The following WNK2 variants were observed in gnomAD, a reference collection of about 807,000 sequenced individuals.
WNK2 encodes the protein WNK lysine deficient protein kinase 2.
WNK2 carries 67 observed loss-of-function variants against 192.1 expected under a neutral mutation model. The observed-to-expected ratio is 0.35, with a 90% CI of 0.29 to 0.43. The LOEUF is 0.43. Among genes scored for constraint, WNK2 ranks in the 20% least tolerant of loss-of-function variants. The probability of loss-of-function intolerance (pLI) is 1.00; values close to 1 mark genes in which losing one functional copy is unlikely to be tolerated. For missense variants in WNK2, 2,698 were observed against 3,089.7 expected (o/e 0.87, Z 3.01); for synonymous variants, 1,439 against 1,393.9 (o/e 1.03, Z -0.72).
chr9:93,287,455 C>T (rs1051150202), intron 19 of WNK2, among the ~76,000 whole-genome samples: 2 of 152,312 alleles, frequency 1.3e-5, no homozygotes, highest in East Asian at 3.9e-4. Context: ...TGCAGTTGTG[C>T]AAACAATAAC....
intron 2 of WNK2, among the ~76,000 whole-genome samples, chr9:93,222,179 C>CT (rs903289230): frequency 6.6e-6 from 1 of 151,856 alleles, no homozygotes; most frequent in Non-Finnish European, 1.5e-5. Flanking sequence ...TTCCCACCCC[C>CT]TTTTTTTGAG....
At chr9:93,208,538 T>TGC (rs749124675) in intron 2 of WNK2, among the ~76,000 whole-genome samples, 10 of 151,732 alleles carry the variant, frequency 6.6e-5, no homozygotes, top group Non-Finnish European at 1.5e-4. Context: ...TCTGTGTGTG[T>TGC]GCATGTGCTG....
At chr9:93,252,685 G>T (rs1331222824) in intron 8 of WNK2, among the ~76,000 whole-genome samples, 198 bp from the exon 9 acceptor site, 2 of 152,258 alleles carry the variant, frequency 1.3e-5, no homozygotes, top group Non-Finnish European at 2.9e-5. Context: ...GACATGGGCA[G>T]TGTTGGAGTG....
rs180931140 is a variant in WNK2 at position 93,269,372 on chromosome 9, A to T, written c.4033+626A>T. ...GGAAAGTTACTGATTCTATAACTTG[A>T]CATAACCTTATGGCACATTCATGAA... is the stretch of plus-strand genomic sequence containing the variant. On this transcript the variant is annotated intron_variant, in intron 19 of 29. Transcript: ENST00000427277. Among the ~76,000 whole-genome samples, 5 of 152,332 alleles carry T rather than the reference A, an allele frequency of 3.3e-5. No individual in the cohort carries two copies. The East Asian group carries it at 9.6e-4, about 29-fold the overall frequency.
Position 93,262,096 on chromosome 9 carries a change from C to T in WNK2, c.3349C>T (p.Pro1117Ser). Reference protein sequence around the residue: ...PCPTVQLTVEPVQEEQASQDK... With the variant: ...PCPTVQLTVESVQEEQASQDK... ...CCCAACTGTCCAGCTGACGGTGGAA[C>T]CAGTCCAAGAGGTGTGTGCCCCTCC... The change falls in exon 13 of 30, where the codon CCA becomes TCA. Residue 1117 changes from proline to serine, a missense_variant. Transcript: ENST00000427277. 6.3e-7 allele frequency: 1 copy of T among 1,598,450 alleles called. No homozygotes were observed. Among genetic ancestry groups the T allele is most frequent in the Non-Finnish European group, 8.5e-7 (1 of 1,170,446 alleles).
chr9:93,288,259 G>A (rs1446972896), intron 19 of WNK2, among the ~76,000 whole-genome samples: 3 of 152,200 alleles, frequency 2.0e-5, no homozygotes, highest in East Asian at 3.9e-4. Flanking sequence ...CCCTGGCTGC[G>A]CTTCTGACCA....
intron 19 of WNK2, among the ~76,000 whole-genome samples, chr9:93,287,185 C>CTAT (rs1412914546): frequency 6.6e-6 from 1 of 152,118 alleles, no homozygotes; most frequent in African/African-American, 2.4e-5. Flanking sequence ...AATTAAAAAA[C>CTAT]AATAAAGAGC....
chr9:93,262,115 C>A lies in WNK2; in HGVS notation c.3360+8C>A, dbSNP rs775682943. ...GTGGAACCAGTCCAAGAGGTGTGTG[C>A]CCCTCCCCCCAGCCTGTCCCATGAC... On this transcript the variant is annotated splice_region_variant and intron_variant, in intron 13 of 29. Transcript: ENST00000427277. 1.3e-6 allele frequency: 2 copies of A among 1,571,042 alleles called. No homozygotes were observed. Among genetic ancestry groups the A allele is most frequent in the South Asian group, 1.2e-5 (1 of 85,590 alleles).
At chr9:93,227,520 C>T (rs1838027453) in intron 2 of WNK2, among the ~76,000 whole-genome samples, 1 of 152,102 alleles carries the variant, frequency 6.6e-6, no homozygotes, top group Admixed American at 6.5e-5. Flanking sequence ...TTTCCGTGTG[C>T]TGTTGGCCAT....
chr9:93,315,868 TTTC>T (rs1175627044), intron 28 of WNK2: 1 of 152,170 alleles, frequency 6.6e-6, no homozygotes, highest in Non-Finnish European at 1.5e-5. Flanking sequence ...GTGTTTTCAC[TTTC>T]TTAATGGTGA....
chr9:93,188,866 C>T lies in WNK2; in HGVS notation c.681+3256C>T, dbSNP rs564180185. 4.6e-5 allele frequency among the ~76,000 whole-genome samples: 7 copies of T among 152,302 alleles called. No homozygotes were observed. In the East Asian group the frequency reaches 9.7e-4, roughly 21 times the overall value. ...AATACAGCAACGGGGAGGTGCCTGG[C>T]GTGGTGCTGTGGCCACCCCTTGCTC... is the stretch of plus-strand genomic sequence containing the variant. On this transcript the variant is annotated intron_variant, in intron 2 of 29. Coordinates refer to ENST00000427277, the MANE Select transcript of WNK2 (RefSeq NM_006648.4).
chr9:93,293,852 A>C (rs1849776042), intron 23 of WNK2, among the ~76,000 whole-genome samples: 4 of 139,764 alleles, frequency 2.9e-5, no homozygotes, highest in African/African-American at 5.4e-5. Flanking sequence ...CTCCCCTTTC[A>C]TTCCTTCTCT....
chr9:93,318,978 T>G, intron 29 of WNK2: 1 of 1,471,678 alleles, frequency 6.8e-7, no homozygotes, highest in Non-Finnish European at 9.0e-7. Flanking sequence ...TCAGTTAGAA[T>G]TGAATTTTCT....
chr9:93,302,213 G>A (rs1334082023), intron 26 of WNK2, among the ~76,000 whole-genome samples: 1 of 152,254 alleles, frequency 6.6e-6, no homozygotes, highest in Non-Finnish European at 1.5e-5. Flanking sequence ...AGGGGTGGGC[G>A]CAGCCCTGTG....
At chr9:93,315,782 CTTGTGTGTGT>C (rs139005375) in intron 28 of WNK2, 40,700 of 116,978 alleles carry the variant, frequency 0.35, 6,422 homozygotes, top group Admixed American at 0.4. Flanking sequence ...TTGAAGACCC[CTTGTGTGTGT>C]GTGTGTGTGT....
intron 2 of WNK2, among the ~76,000 whole-genome samples, chr9:93,224,511 C>T (rs1837473128): frequency 6.6e-6 from 1 of 152,222 alleles, no homozygotes; most frequent in South Asian, 2.1e-4. Flanking sequence ...ATCTTCTGAC[C>T]ACCCTGGCTG....
rs1241597721 is a variant in WNK2 at position 93,290,052 on chromosome 9, C to G, written c.4936+5C>G. 6.4e-7 allele frequency: 1 copy of G among 1,562,306 alleles called. No homozygotes were observed. Among genetic ancestry groups the G allele is most frequent in the East Asian group, 2.4e-5 (1 of 42,088 alleles). On this transcript the variant is annotated splice_donor_5th_base_variant and intron_variant, in intron 21 of 29. Coordinates refer to ENST00000427277, the MANE Select transcript of WNK2 (RefSeq NM_006648.4). ...GCACGTCCTCGTCAATGACAGGTAA[C>G]AGCTTCCTGCTGAACCCTGCGTTCA...
chr9:93,205,907 GC>G (rs1182270014), intron 2 of WNK2, among the ~76,000 whole-genome samples: 2 of 152,152 alleles, frequency 1.3e-5, no homozygotes, highest in Non-Finnish European at 2.9e-5. Flanking sequence ...CGTACTGGGG[GC>G]TTTGGATGGC....
Position 93,268,045 on chromosome 9 carries a change from C to T in WNK2, c.3893C>T (p.Ala1298Val). Residue 1298 changes from alanine (A) to valine (V), a missense_variant, in exon 18 of 30, where the codon GCC (alanine) becomes GTC (valine). Around this residue, in one of 7 missense-constraint regions of WNK2, gnomAD observed 1,098 missense variants for 1,101.0 expected, o/e 1.00. Transcript: ENST00000427277. ...GAGAGCCGACAATCCCAAGCCAACG[C>T]CCCCGTGTATCAGCAGAACGGTGAG... ...GEESRQSQAN[A>V]PVYQQNVLHT... 1 of 1,612,068 alleles carries T rather than the reference C, an allele frequency of 6.2e-7. No individual in the cohort carries two copies. Among genetic ancestry groups the T allele is most frequent in the Non-Finnish European group, 8.5e-7 (1 of 1,179,134 alleles).
Sources: gnomAD v4.1 joint callset for allele counts (sites outside exome capture counted in the v4.1 genomes callset) on GRCh38, gnomAD v4.1.1 for gene constraint, gnomAD v4.1.1 regional missense constraint, MANE v1.5 for transcripts, NCBI Gene and HGNC (gene_info 2026-07-23, HGNC 2026-07-21) for gene names.